ADGRF3: variants seen among roughly 807,000 people sequenced by gnomAD.
The protein encoded by ADGRF3 is adhesion G protein-coupled receptor F3, also known as G protein-coupled receptor 113.
In ADGRF3, 85 loss-of-function variants were observed where a neutral mutation model predicts 93.2. The observed-to-expected ratio is 0.91, with a 90% CI of 0.77 to 1.09. ADGRF3 has a LOEUF of 1.09. Ranked by LOEUF, ADGRF3 falls within the 50% of genes least tolerant of loss-of-function variation. ADGRF3 has a pLI of 0.00. For synonymous variants in ADGRF3, 534 were observed against 532.5 expected, an observed-to-expected ratio of 1.00 and a Z score of -0.04; for missense variants, 1,125 against 1,246.2, an observed-to-expected ratio of 0.90 and a Z score of 1.46.
chr2:26,335,271 C>T (rs889246816), intron 1 of ADGRF3, among the ~76,000 whole-genome samples: 2 of 152,172 alleles, frequency 1.3e-5, no homozygotes, highest in Non-Finnish European at 2.9e-5. Flanking sequence ...AGCACATTTC[C>T]TATAAATGGA....
chr2:26,308,956 A>G lies in ADGRF3; in HGVS notation c.*130T>C, dbSNP rs1673783219. On this transcript the variant is annotated 3_prime_UTR_variant, in exon 14 of 14. Transcript: ENST00000651242. ...ATAAATGAGTGTCACTAAGGGAAAT[A>G]TAAGCCTGCCTTTCTCAAGGGCTGA... 39 of 1,231,140 alleles carry G rather than the reference A, an allele frequency of 3.2e-5. No individual in the cohort carries two copies. Among genetic ancestry groups the G allele is most frequent in the Non-Finnish European group, 4.3e-5 (36 of 841,894 alleles). The allele number at this position is 1,231,140 out of a possible 1,614,324, so 76.3% of individuals were successfully genotyped here.
chr2:26,309,863 C>T, intron 12 of ADGRF3, 180 bp downstream of exon 12: 1 of 1,435,488 alleles, frequency 7.0e-7, no homozygotes, highest in South Asian at 1.3e-5. Flanking sequence ...ATCCTGACTG[C>T]TCTGACCAGG....
In ADGRF3 at chr2:26,316,574, GT is replaced by G. The variant is rs934007636; in HGVS notation, c.326-127del. ...ATCTGGACCAATCCCCAAGCTACAG[GT>G]GCCTCAGTCAGGCCCATGCATCAGG... On this transcript the variant is annotated intron_variant, in intron 3 of 13. Coordinates refer to ENST00000651242, the MANE Select transcript of ADGRF3 (RefSeq NM_001321971.2). 1.4e-4 allele frequency: 138 copies of G among 985,682 alleles called. No individual in the cohort carries two copies. The African/African-American group carries it at 2.0e-3, about 15-fold the overall frequency. 61.1% of individuals were successfully genotyped at this position (985,682 alleles called of 1,614,324 possible).
chr2:26,310,949 A>T lies in ADGRF3; in HGVS notation c.2575T>A (p.Tyr859Asn). The T allele has an allele frequency of 5.6e-6, 9 of 1,613,734 alleles. No homozygotes were observed. The highest frequency in any genetic ancestry group is 5.9e-6 in the Non-Finnish European group (7 of 1,179,780). ...CWLDGKGGAL[Y>N]TFVGPVLAII... is the part of the protein sequence containing the mutation. ...GCCAGCACTGGCCCCACGAAGGTGT[A>T]TAACGCCCCTCCCTTCCCATCCAAC... Residue 859 changes from tyrosine (Y) to asparagine (N), a missense_variant, in exon 10 of 14, where the codon TAC becomes AAC. Coordinates refer to ENST00000651242, the MANE Select transcript of ADGRF3 (RefSeq NM_001321971.2).
chr2:26,346,130 C>A lies in ADGRF3; in HGVS notation c.105G>T (p.Leu35=). 3 of 1,593,314 alleles carry A rather than the reference C, an allele frequency of 1.9e-6. No homozygotes were observed. The highest frequency in any genetic ancestry group is 2.6e-6 in the Non-Finnish European group (3 of 1,171,336). The change falls in exon 1 of 14, where the codon CTG becomes CTT. Residue 35 remains leucine (L), a synonymous_variant. Coordinates refer to ENST00000651242, the MANE Select transcript of ADGRF3 (RefSeq NM_001321971.2). ...AGCGCGGCTCTCCTACCTTCTCGGG[C>A]AGCCCAGTCTTTGCCATCCTTGCCC... is the stretch of plus-strand genomic sequence containing the variant. ...TGWARMAKTG[L]PEKGQSQAGG...
At position 26,310,863 on chromosome 2, in the gene ADGRF3, C is replaced by T. The variant is rs773481193; in HGVS notation, c.2661G>A (p.Ser887=). The T allele has an allele frequency of 2.6e-5, 42 of 1,612,554 alleles. No homozygotes were observed. Among genetic ancestry groups the T allele is most frequent in the East Asian group, 6.7e-5 (3 of 44,890 alleles). ...TCTCTGCTGGGGGTCCCTCTGACAG[C>T]GAAGGTCTCAGCAACTTCAGCATGG... is the stretch of plus-strand genomic sequence containing the variant. ...AMAMLKLLRP[S]LSEGPPAEKR... The change falls in exon 10 of 14, where the codon TCG becomes TCA. Residue 887 remains serine (S), a synonymous_variant. Transcript: ENST00000651242.
intron 1 of ADGRF3, among the ~76,000 whole-genome samples, chr2:26,327,791 TCCC>T (rs1223510469): frequency 6.6e-6 from 1 of 151,204 alleles, no homozygotes; most frequent in Non-Finnish European, 1.5e-5. Flanking sequence ...AGGAGCCTAC[TCCC>T]AGAGGACTCC....
intron 6 of ADGRF3, 146 bp from the exon 7 acceptor site, chr2:26,314,049 T>G: frequency 9.7e-7 from 1 of 1,027,306 alleles, no homozygotes; most frequent in Non-Finnish European, 1.4e-6. Flanking sequence ...TGGGCTCCAC[T>G]TGGACAGAGG....
rs1674362533 is a variant in ADGRF3 at position 26,313,381 on chromosome 2, G to A, written c.1265C>T (p.Thr422Ile). 1.3e-6 allele frequency: 2 copies of A among 1,587,934 alleles called. No homozygotes were observed. The highest frequency in any genetic ancestry group is 2.7e-5 in the African/African-American group (2 of 74,258). ...GCAGCAGGGTGGAAGCTTCACCTTG[G>A]TTCTAGTGAACAAGGCCAGGAGCCT... is the stretch of plus-strand genomic sequence containing the variant. ...DARLLALFTR[T>I]KLLQAGQGSP... Residue 422 changes from threonine (T) to isoleucine (I), a missense_variant, in exon 8 of 14, where the codon ACC becomes ATC. Transcript: ENST00000651242.
chr2:26,314,731 C>A (rs1674505639), intron 5 of ADGRF3, 108 bp from the exon 6 acceptor site: 16 of 1,026,110 alleles, frequency 1.6e-5, no homozygotes, highest in Non-Finnish European at 2.2e-5. Flanking sequence ...CTGCCTGCCA[C>A]CCAGTGCTTA....
chr2:26,341,365 G>A (rs986067234), intron 1 of ADGRF3, among the ~76,000 whole-genome samples: 1 of 144,302 alleles, frequency 6.9e-6, no homozygotes, highest in African/African-American at 2.5e-5. Flanking sequence ...GCAACAGAAT[G>A]AGGCTCCATC....
At chr2:26,312,755 C>A (rs1327831885) in intron 9 of ADGRF3, among the ~76,000 whole-genome samples, 188 bp downstream of exon 9, 2 of 152,232 alleles carry the variant, frequency 1.3e-5, no homozygotes, top group African/African-American at 4.8e-5. Context: ...CAGCGCCAGG[C>A]CTCCATTCTG....
intron 6 of ADGRF3, 47 bp downstream of exon 6, chr2:26,314,367 C>A (rs1319086962): frequency 6.5e-7 from 1 of 1,547,558 alleles, no homozygotes; most frequent in Non-Finnish European, 8.8e-7. Context: ...GAAGAGACAG[C>A]TGCCCCCTGG....
intron 1 of ADGRF3, among the ~76,000 whole-genome samples, chr2:26,342,143 A>G (rs984181767): frequency 7.3e-5 from 11 of 151,080 alleles, no homozygotes; most frequent in Admixed American, 2.0e-4. Context: ...AGCATAGTGT[A>G]GTGGAAAATT....
rs1273226026 is a variant in ADGRF3, at chr2:26,346,310, C to T, written c.-76G>A. ...ACAAGGTACCGCGGGCCGGCGGATGCCCCTCTCCCTGCTCCCGGCCTCGCC... is the reference window on the plus strand; with the variant it reads ...ACAAGGTACCGCGGGCCGGCGGATGTCCCTCTCCCTGCTCCCGGCCTCGCC... On this transcript the variant is annotated 5_prime_UTR_variant, in exon 1 of 14. Coordinates refer to ENST00000651242, the MANE Select transcript of ADGRF3 (RefSeq NM_001321971.2). 1.2e-6 allele frequency: 2 copies of T among 1,601,368 alleles called. No individual in the cohort carries two copies. The highest frequency in any genetic ancestry group is 2.2e-5 in the South Asian group (2 of 90,370).
At chr2:26,333,462 G>A (rs1488398322) in intron 1 of ADGRF3, among the ~76,000 whole-genome samples, 2 of 1,260 alleles carry the variant, frequency 1.6e-3, no homozygotes, top group Admixed American at 0.019. Context: ...TAATCACGTG[G>A]TTGGTTCCCC....
At chr2:26,309,184 C>A in intron 13 of ADGRF3, 77 bp from the exon 14 acceptor site, 1 of 1,613,890 alleles carries the variant, frequency 6.2e-7, no homozygotes. Context: ...GGATACCAAG[C>A]CCACCCATGG....
At chr2:26,323,666 G>A (rs538095733) in intron 1 of ADGRF3, among the ~76,000 whole-genome samples, 59 of 145,272 alleles carry the variant, frequency 4.1e-4, no homozygotes, top group African/African-American at 1.4e-3. Context: ...GTCTCACTCT[G>A]TTGCCCAGGG....
At chr2:26,309,879 C>T (rs1369213702) in intron 12 of ADGRF3, 164 bp downstream of exon 12, 17 of 1,507,796 alleles carry the variant, frequency 1.1e-5, no homozygotes, top group South Asian at 9.9e-5. Context: ...CCAGGCTGCT[C>T]ATTCCACTGG....
Sources: allele counts gnomAD v4.1 joint callset (sites outside exome capture counted in the v4.1 genomes callset), GRCh38; gene constraint gnomAD v4.1.1; transcripts MANE v1.5; gene names NCBI Gene and HGNC (gene_info 2026-07-23, HGNC 2026-07-21).